EHD4: variants seen among roughly 807,000 people sequenced by gnomAD.
The protein encoded by EHD4 is EH domain-containing protein 4.
In EHD4, 37 loss-of-function variants were observed where a neutral mutation model predicts 51.0. That is an observed-to-expected ratio of 0.73 (90% confidence interval 0.56 to 0.95). EHD4 has a LOEUF of 0.95. Ranked by LOEUF, EHD4 falls within the 40% of genes least tolerant of loss-of-function variation. The pLI is 0.00. For synonymous variants in EHD4, 297 were observed against 317.3 expected (o/e 0.94, Z 0.68); for missense variants, 632 against 733.1 (o/e 0.86, Z 1.59).
intron 2 of EHD4, among the ~76,000 whole-genome samples, chr15:41,948,920 C>G (rs1040263002): frequency 6.6e-6 from 1 of 150,612 alleles, no homozygotes; most frequent in Non-Finnish European, 1.5e-5. Flanking sequence ...TCCCAGCAAT[C>G]GGGAAGCTGA....
At chr15:41,965,441 G>A (rs1450850673) in intron 1 of EHD4, among the ~76,000 whole-genome samples, 1 of 152,232 alleles carries the variant, frequency 6.6e-6, no homozygotes, top group African/African-American at 2.4e-5. Context: ...GTTCAGCAAA[G>A]TCAGCCTCCC....
rs1175618933 is a variant in EHD4 at position 41,898,882 on chromosome 15, C to G, written c.*1763G>C. The stretch of plus-strand genomic sequence containing the variant: ...TAATAAATGGTTCTTTTCTATGCGT[C>G]TAATGAATTTAAGTGCTTGTTAAGA... On this transcript the variant is annotated 3_prime_UTR_variant, in exon 6 of 6. Transcript: ENST00000220325. 6.6e-6 allele frequency: 1 copy of G among 152,072 alleles called. No individual in the cohort carries two copies. Among genetic ancestry groups the G allele is most frequent in the Non-Finnish European group, 1.5e-5 (1 of 68,018 alleles). The allele number at this position is 152,072 out of a possible 1,614,324, so 9.4% of individuals were successfully genotyped here.
chr15:41,963,514 C>G (rs929680950), intron 1 of EHD4, among the ~76,000 whole-genome samples: 1 of 150,596 alleles, frequency 6.6e-6, no homozygotes, highest in Non-Finnish European at 1.5e-5. Context: ...GCACAAGAAC[C>G]GCTTGAACTG....
At chr15:41,948,071 C>G (rs531206030) in intron 2 of EHD4, among the ~76,000 whole-genome samples, 1 of 152,090 alleles carries the variant, frequency 6.6e-6, no homozygotes, top group Admixed American at 6.5e-5. Context: ...CTGGCCAACA[C>G]AGTGAAACCC....
intron 3 of EHD4, among the ~76,000 whole-genome samples, chr15:41,934,168 G>T (rs2140995373): frequency 6.6e-6 from 1 of 152,154 alleles, no homozygotes; most frequent in African/African-American, 2.4e-5. Flanking sequence ...CACTTGTTTT[G>T]GGGATGGCAG....
intron 2 of EHD4, among the ~76,000 whole-genome samples, chr15:41,945,126 T>A (rs1226135793): frequency 1.3e-5 from 2 of 152,156 alleles, no homozygotes; most frequent in African/African-American, 4.8e-5. Flanking sequence ...ATTCTTTCCA[T>A]CAGATGGCCC....
At chr15:41,932,466 G>A (rs973685367) in intron 3 of EHD4, among the ~76,000 whole-genome samples, 2 of 152,206 alleles carry the variant, frequency 1.3e-5, no homozygotes, top group African/African-American at 2.4e-5. Flanking sequence ...AAGGTGAAAC[G>A]CTGCATACAT....
intron 3 of EHD4, among the ~76,000 whole-genome samples, chr15:41,929,590 A>G (rs565074117): frequency 1.3e-5 from 2 of 152,242 alleles, no homozygotes; most frequent in Non-Finnish European, 2.9e-5. Flanking sequence ...GAAAGACAGC[A>G]ACATGGTATT....
intron 2 of EHD4, among the ~76,000 whole-genome samples, chr15:41,946,158 G>A (rs960440371): frequency 1.6e-4 from 24 of 152,232 alleles, no homozygotes; most frequent in African/African-American, 5.5e-4. Context: ...ACACAAGGAG[G>A]ATCTGTGCCT....
intron 3 of EHD4, among the ~76,000 whole-genome samples, chr15:41,931,417 G>A (rs1394238001): frequency 6.6e-6 from 1 of 152,148 alleles, no homozygotes; most frequent in Non-Finnish European, 1.5e-5. Context: ...GGAGGCTGAG[G>A]TGGCAGGATC....
chr15:41,929,874 T>C (rs1025565868), intron 3 of EHD4, among the ~76,000 whole-genome samples: 1 of 152,216 alleles, frequency 6.6e-6, no homozygotes, highest in Non-Finnish European at 1.5e-5. Context: ...ACGAACTAGT[T>C]ACAGTGCCAG....
chr15:41,925,235 G>A (rs1044378647), intron 3 of EHD4, among the ~76,000 whole-genome samples: 2 of 152,184 alleles, frequency 1.3e-5, no homozygotes, highest in African/African-American at 4.8e-5. Context: ...TGTTCATCAA[G>A]GGGCTACATA....
chr15:41,936,376 C>T (rs2067731922), intron 3 of EHD4, among the ~76,000 whole-genome samples: 1 of 152,142 alleles, frequency 6.6e-6, no homozygotes, highest in Non-Finnish European at 1.5e-5. Context: ...TTGCTCCTAC[C>T]TCACAGAGCT....
chr15:41,972,351 G>A lies in EHD4; in HGVS notation c.144C>T (p.Phe48=), dbSNP rs748441147. The change falls in exon 1 of 6, where the codon TTC becomes TTT. Residue 48 remains phenylalanine (F), a synonymous_variant. Coordinates refer to ENST00000220325, the MANE Select transcript of EHD4 (RefSeq NM_139265.4). ...PLEEAYRFHE[F]HSPALEDADF... ...CGGCGTCCTCCAGCGCAGGCGAGTG[G>A]AACTCGTGGAAGCGGTACGCCTCCT... The A allele has an allele frequency of 1.9e-6, 3 of 1,611,328 alleles. No homozygotes were observed. The highest frequency in any genetic ancestry group is 2.5e-6 in the Non-Finnish European group (3 of 1,178,886).
intron 1 of EHD4, among the ~76,000 whole-genome samples, chr15:41,958,634 C>G (rs2067903687): frequency 6.6e-6 from 1 of 152,146 alleles, no homozygotes; most frequent in Non-Finnish European, 1.5e-5. Context: ...CAAGCACCAT[C>G]TTCTCAACGA....
At chr15:41,930,639 A>G (rs752387286) in intron 3 of EHD4, among the ~76,000 whole-genome samples, 7 of 152,172 alleles carry the variant, frequency 4.6e-5, no homozygotes, top group Admixed American at 2.6e-4. Flanking sequence ...ACATCTTGGC[A>G]TTGCACAAGT....
chr15:41,940,771 T>G (rs2067764545), intron 3 of EHD4, among the ~76,000 whole-genome samples: 2 of 152,206 alleles, frequency 1.3e-5, no homozygotes, highest in Admixed American at 1.3e-4. Context: ...TCTGGAAGCA[T>G]TAATCCACGT....
chr15:41,964,266 T>C (rs1270514257), intron 1 of EHD4, among the ~76,000 whole-genome samples: 4 of 151,986 alleles, frequency 2.6e-5, no homozygotes, highest in Non-Finnish European at 4.4e-5. Context: ...TTTTATAAGT[T>C]CAACGTCACT....
intron 1 of EHD4, among the ~76,000 whole-genome samples, chr15:41,971,199 G>A (rs937457995): frequency 2.6e-5 from 4 of 152,146 alleles, no homozygotes; most frequent in Admixed American, 2.0e-4. Context: ...AAAAGAGGTC[G>A]CTACTTAACA....
Sources: allele counts gnomAD v4.1 joint callset (sites outside exome capture counted in the v4.1 genomes callset), GRCh38; gene constraint gnomAD v4.1.1; transcripts MANE v1.5; gene names NCBI Gene and HGNC (gene_info 2026-07-23, HGNC 2026-07-21).